Variants in HS3ST4 observed in about 807,000 individuals in gnomAD.
HS3ST4 encodes the protein heparan sulfate-glucosamine 3-sulfotransferase 4, also known as heparan sulfate glucosamine 3-O-sulfotransferase 4.
A neutral mutation model predicts 29.2 loss-of-function variants in HS3ST4; 17 were observed. The observed-to-expected ratio is 0.58, with a 90% CI of 0.40 to 0.87. The LOEUF (loss-of-function observed/expected upper bound fraction) is 0.87. HS3ST4 is among the 40% of genes least tolerant of loss of function. HS3ST4 has a pLI of 0.00. For synonymous variants in HS3ST4, 314 were observed against 285.7 expected, an observed-to-expected ratio of 1.10 and a Z score of -1.00; for missense variants, 627 against 634.5, an observed-to-expected ratio of 0.99 and a Z score of 0.13.
At chr16:25,711,153 C>T (rs1470296918) in intron 1 of HS3ST4, among the ~76,000 whole-genome samples, 1 of 151,898 alleles carries the variant, frequency 6.6e-6, no homozygotes, top group Non-Finnish European at 1.5e-5. Context: ...GGAAGTAAAC[C>T]CATCTTCTAA....
At chr16:26,126,925 C>G (rs1171530130) in intron 1 of HS3ST4, among the ~76,000 whole-genome samples, 1 of 151,876 alleles carries the variant, frequency 6.6e-6, no homozygotes, top group Non-Finnish European at 1.5e-5. Context: ...TTTTAGTCCA[C>G]AAAATAGAGA....
chr16:26,038,578 C>A (rs1969605721), intron 1 of HS3ST4, among the ~76,000 whole-genome samples: 1 of 152,060 alleles, frequency 6.6e-6, no homozygotes, highest in South Asian at 2.1e-4. Flanking sequence ...CACCCCTGAG[C>A]CTCTGCTCAT....
At chr16:25,990,525 C>T (rs1040008898) in intron 1 of HS3ST4, among the ~76,000 whole-genome samples, 6 of 152,198 alleles carry the variant, frequency 3.9e-5, no homozygotes, top group Admixed American at 6.5e-5. Context: ...TCCAAAGAGA[C>T]GAGTGTGAAG....
At chr16:25,788,759 T>C (rs1288294627) in intron 1 of HS3ST4, among the ~76,000 whole-genome samples, 6 of 151,676 alleles carry the variant, frequency 4.0e-5, no homozygotes. Context: ...AGGCTGGTCT[T>C]GAACCCCTGA....
chr16:25,954,629 A>C (rs1335495247), intron 1 of HS3ST4, among the ~76,000 whole-genome samples: 1 of 152,242 alleles, frequency 6.6e-6, no homozygotes, highest in Non-Finnish European at 1.5e-5. Flanking sequence ...ATTGGTTGAA[A>C]GAATCCAGTA....
At chr16:25,951,474 A>C (rs1443073057) in intron 1 of HS3ST4, among the ~76,000 whole-genome samples, 1 of 152,230 alleles carries the variant, frequency 6.6e-6, no homozygotes, top group Non-Finnish European at 1.5e-5. Context: ...GATACAAGAT[A>C]ATAAAACACT....
At chr16:25,765,313 C>T (rs1402505692) in intron 1 of HS3ST4, among the ~76,000 whole-genome samples, 2 of 152,110 alleles carry the variant, frequency 1.3e-5, no homozygotes, top group African/African-American at 2.4e-5. Context: ...TATGAAAATG[C>T]GGAGACGCCG....
At position 26,058,478 on chromosome 16, in the gene HS3ST4, G is replaced by A. The variant is rs114543999; in HGVS notation, c.735-77134G>A. 5.2e-3 allele frequency among the ~76,000 whole-genome samples: 794 copies of A among 152,304 alleles called. 12 individuals are homozygous for A. Among genetic ancestry groups the A allele is most frequent in the African/African-American group, 0.018 (768 of 41,552 alleles). ...AGCTCCTTGGCTGAGAACACTGGGG[G>A]TGACATGGCTCACAGGCACAGCAGG... On this transcript the variant is annotated intron_variant, in intron 1 of 1. Coordinates refer to ENST00000331351, the MANE Select transcript of HS3ST4 (RefSeq NM_006040.3).
At chr16:26,122,780 G>T (rs996658087) in intron 1 of HS3ST4, among the ~76,000 whole-genome samples, 3 of 152,114 alleles carry the variant, frequency 2.0e-5, no homozygotes, top group Non-Finnish European at 1.5e-5. Flanking sequence ...ACAGGGCTGG[G>T]TGTGGTGGCT....
intron 1 of HS3ST4, among the ~76,000 whole-genome samples, chr16:26,113,470 A>G (rs1174953684): frequency 3.8e-5 from 5 of 132,156 alleles, no homozygotes; most frequent in East Asian, 2.3e-4. Flanking sequence ...ACAATATATG[A>G]TGTGTGTGTG....
At chr16:25,798,486 C>T (rs1412255962) in intron 1 of HS3ST4, among the ~76,000 whole-genome samples, 1 of 152,180 alleles carries the variant, frequency 6.6e-6, no homozygotes, top group Admixed American at 6.5e-5. Flanking sequence ...CTGAATATGG[C>T]AATCATACAA....
intron 1 of HS3ST4, among the ~76,000 whole-genome samples, chr16:25,694,955 G>A (rs1487760251): frequency 3.9e-5 from 6 of 152,176 alleles, no homozygotes; most frequent in Admixed American, 3.3e-4. Flanking sequence ...GGTGGAATGT[G>A]TATCAGGAAG....
Position 26,119,148 on chromosome 16 carries a change from G to A in HS3ST4, c.735-16464G>A, listed in dbSNP as rs980698269. On this transcript the variant is annotated intron_variant, in intron 1 of 1. Coordinates refer to ENST00000331351, the MANE Select transcript of HS3ST4 (RefSeq NM_006040.3). Reference sequence around the variant, plus strand: ...ACTGCAAATAGCAGAGTTAGTATCTGAGCCCAAACATCCCACACTAAACAT... The same window carrying A: ...ACTGCAAATAGCAGAGTTAGTATCTAAGCCCAAACATCCCACACTAAACAT... Among the ~76,000 whole-genome samples the A allele has an allele frequency of 3.3e-5, 5 of 152,186 alleles. No homozygotes were observed. In the East Asian group the frequency reaches 9.7e-4, roughly 29 times the overall value.
rs568594807 is a variant in HS3ST4 at position 25,934,966 on chromosome 16, C to T, written c.735-200646C>T. The stretch of plus-strand genomic sequence containing the variant: ...CTTGCAATCCCCGCATGTTGAGGGA[C>T]GGAAGTGATTGGATCATGAGGGTGG... On this transcript the variant is annotated intron_variant, in intron 1 of 1. Coordinates refer to ENST00000331351, the MANE Select transcript of HS3ST4 (RefSeq NM_006040.3). Among the ~76,000 whole-genome samples the T allele has an allele frequency of 1.4e-4, 21 of 152,146 alleles. 1 individual carries two copies. The South Asian group carries it at 2.7e-3, about 20-fold the overall frequency.
chr16:25,896,275 T>G (rs7204831), intron 1 of HS3ST4, among the ~76,000 whole-genome samples: 30,929 of 152,154 alleles, frequency 0.2, 3,393 homozygotes, highest in African/African-American at 0.29. Context: ...AGGGTTCTAA[T>G]AGCCTTCAAC....
chr16:25,747,691 G>A (rs1353394312), intron 1 of HS3ST4, among the ~76,000 whole-genome samples: 2 of 152,162 alleles, frequency 1.3e-5, no homozygotes, highest in African/African-American at 4.8e-5. Context: ...CAGTCCCTGC[G>A]CTTGTTTTCT....
At chr16:26,017,343 A>G (rs1028891387) in intron 1 of HS3ST4, among the ~76,000 whole-genome samples, 3 of 152,230 alleles carry the variant, frequency 2.0e-5, no homozygotes, top group Non-Finnish European at 2.9e-5. Context: ...GAGGCAGGCC[A>G]CATGTCTGAT....
chr16:26,024,131 G>A (rs1969443357), intron 1 of HS3ST4, among the ~76,000 whole-genome samples: 1 of 151,900 alleles, frequency 6.6e-6, no homozygotes, highest in Admixed American at 6.6e-5. Context: ...GGCTGAAGCA[G>A]GAGAATCGCT....
intron 1 of HS3ST4, among the ~76,000 whole-genome samples, chr16:26,004,058 G>C (rs1407637411): frequency 6.6e-6 from 1 of 152,070 alleles, no homozygotes; most frequent in Admixed American, 6.6e-5. Flanking sequence ...TATTTCTACT[G>C]TTTGACATAT....
Sources: gnomAD v4.1 joint callset for allele counts (sites outside exome capture counted in the v4.1 genomes callset) on GRCh38, gnomAD v4.1.1 for gene constraint, MANE v1.5 for transcripts, NCBI Gene and HGNC (gene_info 2026-07-23, HGNC 2026-07-21) for gene names.